The following ERC2 variants were observed in gnomAD, a reference collection of about 807,000 sequenced individuals.
ERC2 encodes the protein ELKS/RAB6-interacting/CAST family member 2, also known as ERC protein 2.
ERC2 carries 42 observed loss-of-function variants against 114.8 expected under a neutral mutation model. That is an observed-to-expected ratio of 0.37 (90% CI 0.29 to 0.47). ERC2 has a LOEUF of 0.47. Ranked by LOEUF, ERC2 falls within the 20% of genes least tolerant of loss-of-function variation. The pLI is 0.99. For synonymous variants in ERC2, 454 were observed against 425.5 expected, an observed-to-expected ratio of 1.07 and a Z score of -0.82; for missense variants, 939 against 1,150.7, an observed-to-expected ratio of 0.82 and a Z score of 2.66.
intron 8 of ERC2, among the ~76,000 whole-genome samples, chr3:56,015,800 T>C (rs573495764): frequency 6.6e-6 from 1 of 152,232 alleles, no homozygotes; most frequent in African/African-American, 2.4e-5. Flanking sequence ...TCCACAATGG[T>C]TGAACTAATT....
At chr3:56,411,989 T>C (rs187628382) in intron 2 of ERC2, among the ~76,000 whole-genome samples, 2 of 152,336 alleles carry the variant, frequency 1.3e-5, no homozygotes, top group Admixed American at 1.3e-4. Context: ...AACCTTTGAA[T>C]GTGACCTTAT....
intron 14 of ERC2, among the ~76,000 whole-genome samples, chr3:55,771,988 AG>A (rs2068240695): frequency 6.6e-6 from 1 of 152,192 alleles, no homozygotes; most frequent in Admixed American, 6.5e-5. Flanking sequence ...CAACTCATAA[AG>A]GATCTGGGCT....
At chr3:56,363,073 A>G (rs535600682) in intron 2 of ERC2, among the ~76,000 whole-genome samples, 26 of 152,352 alleles carry the variant, frequency 1.7e-4, no homozygotes, top group African/African-American at 6.3e-4. Context: ...TCCTCATGAT[A>G]CTTTTATGAT....
intron 3 of ERC2, among the ~76,000 whole-genome samples, chr3:56,222,308 C>T (rs2049964492): frequency 6.6e-6 from 1 of 152,186 alleles, no homozygotes; most frequent in African/African-American, 2.4e-5. Flanking sequence ...AACCCAGGTT[C>T]TCTAAGCCAC....
chr3:55,623,874 C>T (rs1005671724), intron 17 of ERC2, among the ~76,000 whole-genome samples: 2 of 152,224 alleles, frequency 1.3e-5, no homozygotes, highest in Admixed American at 1.3e-4. Flanking sequence ...TAAAAATTGA[C>T]TTGCTGAGAG....
At chr3:56,417,365 G>A (rs1047008098) in intron 2 of ERC2, among the ~76,000 whole-genome samples, 1 of 152,130 alleles carries the variant, frequency 6.6e-6, no homozygotes, top group African/African-American at 2.4e-5. Context: ...AAAATGTAAT[G>A]TGAGTCTTTC....
intron 14 of ERC2, among the ~76,000 whole-genome samples, chr3:55,746,742 G>T (rs1270775132): frequency 2.0e-5 from 3 of 152,220 alleles, no homozygotes; most frequent in Admixed American, 1.3e-4. Flanking sequence ...GGGCAGGAAG[G>T]TCTGATCCCT....
At chr3:55,650,328 G>A (rs1191424589) in intron 17 of ERC2, among the ~76,000 whole-genome samples, 1 of 152,028 alleles carries the variant, frequency 6.6e-6, no homozygotes, top group Non-Finnish European at 1.5e-5. Flanking sequence ...GTGCACACTG[G>A]ATACCACCCA....
chr3:55,663,636 G>A (rs553245895), intron 17 of ERC2, among the ~76,000 whole-genome samples: 4 of 152,290 alleles, frequency 2.6e-5, no homozygotes, highest in South Asian at 4.1e-4. Flanking sequence ...AGGGCAAGTT[G>A]GAAAGGGAGG....
intron 2 of ERC2, among the ~76,000 whole-genome samples, chr3:56,373,333 G>A (rs956596363): frequency 6.6e-6 from 1 of 152,088 alleles, no homozygotes; most frequent in African/African-American, 2.4e-5. Flanking sequence ...AGAAGAAGTA[G>A]GTTCAGTAAC....
intron 2 of ERC2, among the ~76,000 whole-genome samples, chr3:56,424,466 G>C (rs531568213): frequency 6.6e-6 from 1 of 152,118 alleles, no homozygotes; most frequent in African/African-American, 2.4e-5. Flanking sequence ...CACTAATGTG[G>C]TACACATGGC....
chr3:56,280,384 C>T (rs562789624), intron 3 of ERC2, among the ~76,000 whole-genome samples: 3 of 152,128 alleles, frequency 2.0e-5, no homozygotes, highest in South Asian at 2.1e-4. Flanking sequence ...AATTTGTTAC[C>T]GCAGCAATAA....
intron 6 of ERC2, among the ~76,000 whole-genome samples, chr3:56,124,689 T>C (rs1009353220): frequency 6.6e-6 from 1 of 152,236 alleles, no homozygotes; most frequent in African/African-American, 2.4e-5. Flanking sequence ...TGTTGAGTAC[T>C]GTGCTAAGGC....
chr3:56,215,907 G>T (rs1266311432), intron 3 of ERC2, among the ~76,000 whole-genome samples: 3 of 152,074 alleles, frequency 2.0e-5, no homozygotes, highest in African/African-American at 7.2e-5. Flanking sequence ...GGTACATAAC[G>T]AAATGAAGGC....
chr3:55,651,347 C>T (rs2060613877), intron 17 of ERC2, among the ~76,000 whole-genome samples: 1 of 152,184 alleles, frequency 6.6e-6, no homozygotes, highest in South Asian at 2.1e-4. Context: ...ACAATCAGGG[C>T]TTTGTTTGCT....
chr3:56,170,595 T>G (rs1377726484), intron 4 of ERC2, among the ~76,000 whole-genome samples: 1 of 132,294 alleles, frequency 7.6e-6, no homozygotes. Flanking sequence ...GTTTTTTTTT[T>G]TTTTTTTTTT....
chr3:55,993,694 G>GA (rs1394179504), intron 10 of ERC2, among the ~76,000 whole-genome samples: 1 of 149,880 alleles, frequency 6.7e-6, no homozygotes, highest in East Asian at 2.0e-4. Flanking sequence ...AAAAAAACAA[G>GA]AAAAATATGT....
chr3:55,514,384 GGATTGTGCCACTCCAGCCGT>G (rs754805106), intron 17 of ERC2, among the ~76,000 whole-genome samples: 1 of 152,010 alleles, frequency 6.6e-6, no homozygotes, highest in East Asian at 1.9e-4. Flanking sequence ...CAGTAAGCTG[GGATTGTGCCACTCCAGCCGT>G]GATTGTGCCA....
intron 17 of ERC2, among the ~76,000 whole-genome samples, chr3:55,649,181 T>C (rs2060511457): frequency 1.3e-5 from 2 of 152,116 alleles, no homozygotes; most frequent in Non-Finnish European, 1.5e-5. Flanking sequence ...CTGTGCTCAT[T>C]AGCACATCAA....
Sources: gnomAD v4.1 joint callset for allele counts (sites outside exome capture counted in the v4.1 genomes callset) on GRCh38, gnomAD v4.1.1 for gene constraint, MANE v1.5 for transcripts, NCBI Gene and HGNC (gene_info 2026-07-23, HGNC 2026-07-21) for gene names.